Variants in TG observed in about 807,000 individuals in gnomAD.
TG encodes thyroid hormones.
Under a neutral mutation model 324.7 loss-of-function variants are expected in TG, and 270 were observed. That is an observed-to-expected ratio of 0.83 (90% confidence interval 0.75 to 0.92). The LOEUF is 0.92. TG is among the 40% of genes least tolerant of loss of function. TG has a pLI of 0.00. For missense variants in TG, 3,591 were observed against 3,456.4 expected (o/e 1.04, Z -0.98); for synonymous variants, 1,401 against 1,327.0 (o/e 1.06, Z -1.21).
Position 133,018,009 on chromosome 8 carries a change from G to C in TG, c.6782+12G>C. The C allele has an allele frequency of 1.5e-5, 24 of 1,613,194 alleles. No homozygotes were observed. The highest frequency in any genetic ancestry group is 2.0e-5 in the Non-Finnish European group (23 of 1,179,272). On this transcript the variant is annotated intron_variant, in intron 38 of 47. Coordinates refer to ENST00000220616, the MANE Select transcript of TG (RefSeq NM_003235.5). Reference sequence around the variant, plus strand: ...GCCAGCAAGCCAAGGTATGGGTTGAGTGGAGCACATCTTGGTAAATGCTCA... The same window carrying C: ...GCCAGCAAGCCAAGGTATGGGTTGACTGGAGCACATCTTGGTAAATGCTCA...
intron 38 of TG, among the ~76,000 whole-genome samples, chr8:133,018,621 T>G (rs1835281137): frequency 6.6e-6 from 1 of 152,072 alleles, no homozygotes. Flanking sequence ...CCACTTTAAA[T>G]AGCAAGCATA....
intron 41 of TG, among the ~76,000 whole-genome samples, chr8:133,034,950 A>C (rs1587817816): frequency 6.6e-6 from 1 of 152,216 alleles, no homozygotes; most frequent in South Asian, 2.1e-4. Context: ...ATCTTTCTTG[A>C]TCATGCTTGT....
chr8:132,888,702 T>C, intron 10 of TG, 134 bp downstream of exon 10: 1 of 989,994 alleles, frequency 1.0e-6, no homozygotes, highest in Non-Finnish European at 1.4e-6. Flanking sequence ...TAGAGATGGC[T>C]GAGAAAACGA....
intron 41 of TG, among the ~76,000 whole-genome samples, chr8:133,070,974 T>C (rs918999878): frequency 6.6e-6 from 1 of 152,264 alleles, no homozygotes; most frequent in Non-Finnish European, 1.5e-5. Flanking sequence ...TTCTGCACTT[T>C]CTGTCTTTAG....
chr8:132,895,572 T>C (rs1208847882), intron 11 of TG, among the ~76,000 whole-genome samples: 3 of 152,250 alleles, frequency 2.0e-5, no homozygotes, highest in South Asian at 2.1e-4. Context: ...TAGCTGGTGG[T>C]TAACCATCCT....
At chr8:132,957,291 G>A (rs1437964462) in intron 27 of TG, among the ~76,000 whole-genome samples, 1 of 152,114 alleles carries the variant, frequency 6.6e-6, no homozygotes, top group Non-Finnish European at 1.5e-5. Flanking sequence ...AAATTGTGTT[G>A]AAACAGGCAA....
At chr8:132,883,975 CT>C (rs1266855341) in intron 8 of TG, among the ~76,000 whole-genome samples, 5 of 152,166 alleles carry the variant, frequency 3.3e-5, no homozygotes, top group South Asian at 4.1e-4. Context: ...CTCTTCCTAG[CT>C]TGTAGTGGCT....
intron 43 of TG, among the ~76,000 whole-genome samples, chr8:133,105,339 A>G (rs1849709683): frequency 6.6e-6 from 1 of 152,172 alleles, no homozygotes; most frequent in Non-Finnish European, 1.5e-5. Context: ...GGACAGCAGT[A>G]GGGGTGGACC....
Position 132,908,351 on chromosome 8 carries a change from G to T in TG, c.4002+11G>T, listed in dbSNP as rs1300119766. The stretch of plus-strand genomic sequence containing the variant: ...TTCTGCCAGATCCAGGTACATGCCT[G>T]GCCTTCCCCACAGTGAGGGCTTGGA... On this transcript the variant is annotated intron_variant, in intron 18 of 47. Coordinates refer to ENST00000220616, the MANE Select transcript of TG (RefSeq NM_003235.5). The T allele has an allele frequency of 6.5e-7, 1 of 1,528,114 alleles. No homozygotes were observed. Among genetic ancestry groups the T allele is most frequent in the African/African-American group, 1.5e-5 (1 of 66,266 alleles). 94.7% of individuals were successfully genotyped at this position (1,528,114 alleles called of 1,614,324 possible).
At position 132,963,670 on chromosome 8, in the gene TG, AGTGTGT is replaced by A. The variant is rs57531255; in HGVS notation, c.5548+623_5548+628del. Among the ~76,000 whole-genome samples the A allele has an allele frequency of 6.8e-4, 99 of 145,134 alleles. 1 individual carries two copies. Among genetic ancestry groups the A allele is most frequent in the Middle Eastern group, 3.5e-3 (1 of 284 alleles). On this transcript the variant is annotated intron_variant, in intron 29 of 47. Coordinates refer to ENST00000220616, the MANE Select transcript of TG (RefSeq NM_003235.5). ...GACAAGACATCTGCATGTGGTCTGC[AGTGTGT>A]GTGTGTGTGTGTGTGTGTGTGTGTG...
At chr8:132,906,044 TTC>T (rs1423532421) in intron 16 of TG, among the ~76,000 whole-genome samples, 1 of 152,112 alleles carries the variant, frequency 6.6e-6, no homozygotes, top group Non-Finnish European at 1.5e-5. Context: ...CTGGCATAAT[TTC>T]TCTGCCAGCA....
At chr8:133,133,208 C>T (rs189399491) in intron 46 of TG, among the ~76,000 whole-genome samples, 5 of 152,332 alleles carry the variant, frequency 3.3e-5, no homozygotes, top group African/African-American at 9.6e-5. Context: ...AGAAGGGCAG[C>T]GCTAGGTCCT....
chr8:132,904,913 C>A (rs1818452969), intron 16 of TG, among the ~76,000 whole-genome samples: 2 of 152,134 alleles, frequency 1.3e-5, no homozygotes, highest in African/African-American at 4.8e-5. Flanking sequence ...GATGTGGATT[C>A]TGGGGCAAAG....
intron 31 of TG, among the ~76,000 whole-genome samples, chr8:132,968,821 A>C (rs116602792): frequency 2.0e-5 from 3 of 152,198 alleles, no homozygotes; most frequent in African/African-American, 7.2e-5. Flanking sequence ...TTGGGCACCA[A>C]ATAAATCTGG....
chr8:133,045,392 T>C (rs1839154084), intron 41 of TG, among the ~76,000 whole-genome samples: 4 of 134,254 alleles, frequency 3.0e-5, no homozygotes, highest in South Asian at 5.3e-4. Flanking sequence ...CTTTGCTTTT[T>C]TTTTTTTTTT....
intron 35 of TG, among the ~76,000 whole-genome samples, chr8:133,005,869 C>T (rs72727484): frequency 0.023 from 3,426 of 152,250 alleles, 68 homozygotes; most frequent in Non-Finnish European, 0.036. Flanking sequence ...GCATGGAGGG[C>T]ATCCCTTCTT....
chr8:132,949,826 C>T (rs1039618082), intron 27 of TG, among the ~76,000 whole-genome samples: 2 of 152,152 alleles, frequency 1.3e-5, no homozygotes, highest in Admixed American at 1.3e-4. Context: ...GTGCCTGAGG[C>T]CCCCCAGCCA....
chr8:133,123,774 C>T (rs994638745), intron 45 of TG, among the ~76,000 whole-genome samples: 14 of 152,182 alleles, frequency 9.2e-5, no homozygotes, highest in African/African-American at 2.9e-4. Context: ...AAGAGAGCAC[C>T]GGTTTGTTCT....
At chr8:132,994,288 A>G (rs776954867) in intron 35 of TG, among the ~76,000 whole-genome samples, 13 of 152,220 alleles carry the variant, frequency 8.5e-5, no homozygotes, top group Non-Finnish European at 1.8e-4. Context: ...AGTTATTCAC[A>G]CTAAGGTGAA....
Sources: gnomAD v4.1 joint callset for allele counts (sites outside exome capture counted in the v4.1 genomes callset) on GRCh38, gnomAD v4.1.1 for gene constraint, MANE v1.5 for transcripts, NCBI Gene and HGNC (gene_info 2026-07-23, HGNC 2026-07-21) for gene names.